The following SORBS2 variants were observed in gnomAD, a reference collection of about 807,000 sequenced individuals.
SORBS2 encodes the protein sorbin and SH3 domain containing 2, also known as sorbin and SH3 domain-containing protein 2.
Under a neutral mutation model 97.7 loss-of-function variants are expected in SORBS2, and 46 were observed. The ratio of observed to expected loss-of-function variants is 0.47; its 90% CI spans 0.37 to 0.60. The LOEUF is 0.60. SORBS2 is among the 20% of genes least tolerant of loss of function. The probability of loss-of-function intolerance (pLI) is 0.00; values close to 1 mark genes in which losing one functional copy is unlikely to be tolerated. For synonymous variants in SORBS2, 476 were observed against 473.4 expected, an observed-to-expected ratio of 1.01 and a Z score of -0.07; for missense variants, 1,316 against 1,282.3, an observed-to-expected ratio of 1.03 and a Z score of -0.40.
At chr4:185,874,516 C>A (rs34977118) in intron 1 of SORBS2, among the ~76,000 whole-genome samples, 1 of 151,924 alleles carries the variant, frequency 6.6e-6, no homozygotes, top group Admixed American at 6.6e-5. Flanking sequence ...ATTTTTCATA[C>A]TTATGATTTC....
At chr4:185,671,813 G>A (rs537855401) in intron 4 of SORBS2, among the ~76,000 whole-genome samples, 47 of 152,278 alleles carry the variant, frequency 3.1e-4, no homozygotes, top group African/African-American at 1.1e-3. Flanking sequence ...TCTCAGAAAT[G>A]GCCAAGCACT....
chr4:185,761,929 G>A (rs1223670094), intron 2 of SORBS2, among the ~76,000 whole-genome samples: 2 of 152,308 alleles, frequency 1.3e-5, no homozygotes, highest in East Asian at 3.9e-4. Flanking sequence ...AGACAGCAAA[G>A]TGCACAACTT....
At chr4:185,937,882 T>C (rs1052886807) in intron 1 of SORBS2, among the ~76,000 whole-genome samples, 2 of 152,188 alleles carry the variant, frequency 1.3e-5, no homozygotes, top group Admixed American at 6.5e-5. Flanking sequence ...CTCTTCAGAG[T>C]TGGAATATCT....
At chr4:185,772,130 A>G (rs1373375911) in intron 2 of SORBS2, 1 of 152,132 alleles carries the variant, frequency 6.6e-6, no homozygotes, top group East Asian at 1.9e-4. Context: ...GATTTGCTGA[A>G]CAAAGCTTAC....
At chr4:185,812,384 G>A (rs2099188212) in intron 1 of SORBS2, 190 bp from the exon 1 acceptor site, 1 of 152,212 alleles carries the variant, frequency 6.6e-6, no homozygotes, top group South Asian at 2.1e-4. Context: ...TTTTTTTGAG[G>A]AGGGTAGCTT....
intron 1 of SORBS2, among the ~76,000 whole-genome samples, chr4:185,953,410 T>C (rs1245770906): frequency 2.6e-5 from 4 of 152,248 alleles, no homozygotes; most frequent in Non-Finnish European, 5.9e-5. Context: ...TTTGGTCTGG[T>C]ATTTCCACCC....
chr4:185,613,569 A>ACCT (rs2096577315), intron 11 of SORBS2, among the ~76,000 whole-genome samples: 1 of 144,214 alleles, frequency 6.9e-6, no homozygotes, highest in Admixed American at 7.4e-5. Flanking sequence ...AATCGCTTGA[A>ACCT]CCTGGGAGGC....
intron 1 of SORBS2, among the ~76,000 whole-genome samples, chr4:185,904,938 C>G (rs2099249862): frequency 6.6e-6 from 1 of 152,090 alleles, no homozygotes; most frequent in African/African-American, 2.4e-5. Context: ...AACCTTGTCT[C>G]TACTAAAAAT....
chr4:185,882,431 T>C (rs55737156), intron 1 of SORBS2, among the ~76,000 whole-genome samples: 32,103 of 151,994 alleles, frequency 0.21, 3,982 homozygotes, highest in East Asian at 0.54. Context: ...ATAAAAGAAA[T>C]TAAATAAGAT....
chr4:185,735,472 A>G (rs2098678233), intron 2 of SORBS2, among the ~76,000 whole-genome samples: 2 of 151,842 alleles, frequency 1.3e-5, no homozygotes, highest in Non-Finnish European at 2.9e-5. Flanking sequence ...TATCCTGAAA[A>G]CAAAGGGAAA....
chr4:185,635,236 T>C (rs1221423652), intron 4 of SORBS2, 119 bp downstream of exon 16: 1 of 701,520 alleles, frequency 1.4e-6, no homozygotes, highest in Non-Finnish European at 2.4e-6. Flanking sequence ...GATGCAAAGA[T>C]AGATATTTTT....
In SORBS2 at chr4:185,623,661, C is replaced by T. The variant is rs747833030; in HGVS notation, c.1468G>A (p.Asp490Asn). The change falls in exon 7 of 15, where the codon GAT becomes AAT. Residue 490 changes from aspartate (D) to asparagine (N), a missense_variant. By Grantham distance (23) the Asp-to-Asn change is conservative. Transcript: ENST00000418609. This position sits in a 1 kb window ranked among gnomAD's most constrained non-coding sequence, Gnocchi z 6.4. The stretch of plus-strand genomic sequence containing the variant: ...TCCACGTGTGCTCGGGGCTGCTCAT[C>T]GCTGGTGACTTCAATGTGAATGGGC... 9 of 1,614,080 alleles carry T rather than the reference C, an allele frequency of 5.6e-6. No homozygotes were observed. The highest frequency in any genetic ancestry group is 1.1e-5 in the South Asian group (1 of 91,072).
At chr4:185,784,277 A>G (rs180850524) in intron 1 of SORBS2, among the ~76,000 whole-genome samples, 4,451 of 151,918 alleles carry the variant, frequency 0.029, 219 homozygotes, top group African/African-American at 0.1. Flanking sequence ...GACTACAGGC[A>G]CCTGCCACCA....
exon 3 of SORBS2, chr4:185,649,511 A>G: frequency 6.2e-7 from 1 of 1,601,922 alleles, no homozygotes; most frequent in Non-Finnish European, 8.5e-7. Context: ...GCGGGACTGG[A>G]GGTGGAACAT....
chr4:185,949,493 G>A (rs770185738), intron 1 of SORBS2, among the ~76,000 whole-genome samples: 2 of 152,100 alleles, frequency 1.3e-5, no homozygotes, highest in Non-Finnish European at 2.9e-5. Context: ...AAATGGTGCA[G>A]TCGGGGTTTT....
At chr4:185,729,327 G>T (rs942990022) in intron 2 of SORBS2, among the ~76,000 whole-genome samples, 1 of 152,126 alleles carries the variant, frequency 6.6e-6, no homozygotes, top group African/African-American at 2.4e-5. Flanking sequence ...CTCTTTCTGG[G>T]CCCGCTCAGC....
At chr4:185,773,373 C>T (rs1020859437) in intron 2 of SORBS2, 1 of 152,208 alleles carries the variant, frequency 6.6e-6, no homozygotes, top group African/African-American at 2.4e-5. Context: ...GGAAAAGTGG[C>T]AATGAAATGC....
intron 2 of SORBS2, among the ~76,000 whole-genome samples, chr4:185,759,683 G>A (rs1368786960): frequency 2.0e-5 from 3 of 151,840 alleles, no homozygotes; most frequent in Admixed American, 1.3e-4. Flanking sequence ...ATTAAGCTGT[G>A]GTTTTGATGA....
At chr4:185,774,410 A>G (rs2098989406) in intron 2 of SORBS2, 1 of 152,242 alleles carries the variant, frequency 6.6e-6, no homozygotes, top group African/African-American at 2.4e-5. Flanking sequence ...GAAAGCATTA[A>G]ACCAAAAGGA....
Sources: allele counts gnomAD v4.1 joint callset (sites outside exome capture counted in the v4.1 genomes callset), GRCh38; gene constraint gnomAD v4.1.1; non-coding constraint Gnocchi (gnomAD v3.1); transcripts MANE v1.5; gene names NCBI Gene and HGNC (gene_info 2026-07-23, HGNC 2026-07-21).